PHF3: variants seen among roughly 807,000 people sequenced by gnomAD.
The protein encoded by PHF3 is PHD finger protein 3.
Under a neutral mutation model 178.4 loss-of-function variants are expected in PHF3, and 41 were observed. The observed-to-expected ratio is 0.23, with a 90% CI of 0.18 to 0.30. PHF3 has a LOEUF of 0.30. Among genes scored for constraint, PHF3 ranks in the 10% least tolerant of loss-of-function variants. The pLI, the probability that PHF3 is intolerant of heterozygous loss-of-function variation, is 1.00. For synonymous variants in PHF3, 842 were observed against 800.5 expected, an observed-to-expected ratio of 1.05 and a Z score of -0.88; for missense variants, 2,346 against 2,398.1, an observed-to-expected ratio of 0.98 and a Z score of 0.45.
chr6:63,701,286 T>C (rs1030404843), intron 9 of PHF3, among the ~76,000 whole-genome samples: 36 of 152,368 alleles, frequency 2.4e-4, no homozygotes, highest in Admixed American at 1.6e-3. Context: ...TATATTTAAT[T>C]ACGTGTCTCA....
chr6:63,681,550 C>T (rs974536059), intron 3 of PHF3, among the ~76,000 whole-genome samples: 2 of 151,960 alleles, frequency 1.3e-5, no homozygotes, highest in African/African-American at 4.8e-5. Context: ...TATCCTCCAA[C>T]TTTTCAGTCA....
At chr6:63,696,751 C>T (rs139016676) in intron 6 of PHF3, among the ~76,000 whole-genome samples, 3 of 152,176 alleles carry the variant, frequency 2.0e-5, no homozygotes, top group African/African-American at 4.8e-5. Context: ...AAGGAATGAC[C>T]AAATGCTGTC....
In PHF3 at chr6:63,646,955, A is replaced by G. The variant is rs1019219344; in HGVS notation, c.244+160A>G. Among the ~76,000 whole-genome samples the G allele has an allele frequency of 3.4e-5, 5 of 146,750 alleles. No individual in the cohort carries two copies. In the East Asian group the frequency reaches 9.9e-4, roughly 29 times the overall value. ...CCTTTGAATTTAGAGCTTCTTTTCC[A>G]GGCATCAGAATTAAAATTTAAACTA... is the stretch of plus-strand genomic sequence containing the variant. On this transcript the variant is annotated intron_variant, in intron 2 of 15. Coordinates refer to ENST00000262043, the MANE Select transcript of PHF3 (RefSeq NM_001370348.2).
intron 14 of PHF3, among the ~76,000 whole-genome samples, chr6:63,710,751 G>C (rs1338039955): frequency 1.3e-5 from 2 of 152,100 alleles, no homozygotes. Flanking sequence ...TGGAAGTGTT[G>C]GGTGCTTTTA....
At chr6:63,679,716 A>G in intron 2 of PHF3, 1 of 428,414 alleles carries the variant, frequency 2.3e-6, no homozygotes, top group Non-Finnish European at 4.6e-6. Context: ...ACAAGGGGTC[A>G]GCAAGTAATA....
chr6:63,637,925 T>C (rs913247010), intron 1 of PHF3, among the ~76,000 whole-genome samples: 1 of 152,194 alleles, frequency 6.6e-6, no homozygotes, highest in African/African-American at 2.4e-5. Flanking sequence ...TATTGAAGAA[T>C]AGAAAAATAT....
chr6:63,706,196 C>T lies in PHF3; in HGVS notation c.3535C>T (p.Pro1179Ser). The T allele has an allele frequency of 6.2e-7, 1 of 1,613,536 alleles. No homozygotes were observed. Among genetic ancestry groups the T allele is most frequent in the Non-Finnish European group, 8.5e-7 (1 of 1,179,728 alleles). ...CTTTGAGGAGGAGAAACAGGAGTCT[C>T]CAAAGTCAACGTTCTCTCCTGCTCC... ...EFFEEEKQES[P>S]KSTFSPAPRP... Residue 1179 changes from proline (P) to serine (S), a missense_variant, in exon 12 of 16, where the codon CCA becomes TCA. Physicochemically the swap from Pro to Ser is moderately conservative, Grantham distance 74 (BLOSUM62 -1). Coordinates refer to ENST00000262043, the MANE Select transcript of PHF3 (RefSeq NM_001370348.2).
At chr6:63,656,711 A>G (rs112721564) in intron 2 of PHF3, among the ~76,000 whole-genome samples, 2 of 152,190 alleles carry the variant, frequency 1.3e-5, no homozygotes, top group South Asian at 2.1e-4. Flanking sequence ...TTTTTTATCT[A>G]TACCCTCTTT....
intron 4 of PHF3, among the ~76,000 whole-genome samples, chr6:63,689,419 C>A (rs1374092649): frequency 1.3e-5 from 2 of 152,072 alleles, no homozygotes; most frequent in Admixed American, 6.5e-5. Context: ...TTATAGCTTT[C>A]AAACAAGAAA....
chr6:63,678,421 G>A (rs1041771805), intron 2 of PHF3, among the ~76,000 whole-genome samples: 2 of 151,960 alleles, frequency 1.3e-5, no homozygotes, highest in East Asian at 1.9e-4. Flanking sequence ...AACTTTTAGC[G>A]CATAGCATAA....
rs187600145 is a variant in PHF3, at chr6:63,719,108, A to T, written c.*5400A>T. 2.6e-5 allele frequency among the ~76,000 whole-genome samples: 4 copies of T among 152,154 alleles called. No homozygotes were observed. The East Asian group carries it at 7.7e-4, about 29-fold the overall frequency. On this transcript the variant is annotated 3_prime_UTR_variant, in exon 16 of 16. Transcript: ENST00000262043. ...TACCCTCACACTTCCTAGTATTAATATGAACTGTATGTTTGGAAACATTTG... is the reference window on the plus strand; with the variant it reads ...TACCCTCACACTTCCTAGTATTAATTTGAACTGTATGTTTGGAAACATTTG...
Position 63,706,890 on chromosome 6 carries a change from T to C in PHF3, c.3711+14T>C. 3.1e-6 allele frequency: 5 copies of C among 1,610,964 alleles called. No homozygotes were observed. In the South Asian group the frequency reaches 5.5e-5, roughly 18 times the overall value. Reference sequence around the variant, plus strand: ...TACCTGACAGAGGTACTGTGAACTTTTCTGCTTTTCTGTGCATGAATTGAT... The same window carrying C: ...TACCTGACAGAGGTACTGTGAACTTCTCTGCTTTTCTGTGCATGAATTGAT... On this transcript the variant is annotated intron_variant, in intron 13 of 15. Transcript: ENST00000262043.
In PHF3 at chr6:63,698,233, G is replaced by A; in HGVS notation, c.2691G>A (p.Glu897=). 6.2e-7 allele frequency: 1 copy of A among 1,610,008 alleles called. No individual in the cohort carries two copies. Among genetic ancestry groups the A allele is most frequent in the Non-Finnish European group, 8.5e-7 (1 of 1,177,482 alleles). The change falls in exon 7 of 16, where the codon GAG becomes GAA. Residue 897 remains glutamate, a synonymous_variant. Transcript: ENST00000262043. ...GEKASKPGTH[E]KQEMKKKKVE... is the part of the protein sequence containing the mutation. ...ATTTATTCAAATTAGGTACTCATGA[G>A]AAGCAAGAGATGAAAAAGAAGAAAG...
chr6:63,662,502 T>C (rs757894348), intron 2 of PHF3, among the ~76,000 whole-genome samples: 17 of 152,166 alleles, frequency 1.1e-4, no homozygotes, highest in Non-Finnish European at 2.5e-4. Flanking sequence ...AGTTGCTGCC[T>C]GGATTCTTTT....
chr6:63,636,054 C>T lies in PHF3; in HGVS notation c.-122C>T. The T allele has an allele frequency of 2.5e-6, 1 of 394,116 alleles. No homozygotes were observed. The highest frequency in any genetic ancestry group is 3.6e-5 in the East Asian group (1 of 27,768). 24.4% of individuals were successfully genotyped at this position (394,116 alleles called of 1,614,324 possible). A position where few individuals can be genotyped will look rare whatever the true frequency, so the allele number is the denominator to read the frequency against. ...ACGTCCTGCGCGTACCCCCTCTCCG[C>T]GGCACCCACCGGGCCCCCTCCTCCT... On this transcript the variant is annotated 5_prime_UTR_variant, in exon 1 of 16. Transcript: ENST00000262043.
At position 63,725,516 on chromosome 6, in the gene PHF3, T is replaced by A. The variant is rs970956070; in HGVS notation, c.*11808T>A. Among the ~76,000 whole-genome samples the A allele has an allele frequency of 6.6e-6, 1 of 152,250 alleles. No homozygotes were observed. Among genetic ancestry groups the A allele is most frequent in the East Asian group, 1.9e-4 (1 of 5,184 alleles). On this transcript the variant is annotated 3_prime_UTR_variant, in exon 16 of 16. Transcript: ENST00000262043. ...TCTTGATTTATAAATAGAAAATTTA[T>A]GTTTGTATGTGGTTCTCCTATTTGA...
chr6:63,695,721 A>G (rs1029476624), intron 6 of PHF3, among the ~76,000 whole-genome samples: 1 of 152,198 alleles, frequency 6.6e-6, no homozygotes, highest in African/African-American at 2.4e-5. Flanking sequence ...GTAGCTTGGA[A>G]TGGAAATAGA....
At position 63,713,534 on chromosome 6, in the gene PHF3, TGGAAAA is replaced by T. The variant is rs1768066087; in HGVS notation, c.5948_5953del (p.Gly1983_Lys1984del). The T allele has an allele frequency of 3.7e-6, 6 of 1,612,954 alleles. No homozygotes were observed. Among genetic ancestry groups the T allele is most frequent in the Non-Finnish European group, 5.1e-6 (6 of 1,179,726 alleles). ...TATCACATGGTGATCGAGGAACAGATGGAAAAGCAAGCAGAGATAGTAGGAATGTAG... is the reference window on the plus strand; with the variant it reads ...TATCACATGGTGATCGAGGAACAGATGCAAGCAGAGATAGTAGGAATGTAG... On this transcript the variant is annotated inframe_deletion, in exon 16 of 16. Transcript: ENST00000262043.
At chr6:63,696,425 T>G (rs1312166939) in intron 6 of PHF3, among the ~76,000 whole-genome samples, 2 of 151,812 alleles carry the variant, frequency 1.3e-5, no homozygotes, top group African/African-American at 4.8e-5. Flanking sequence ...GCTCAAGCTA[T>G]CCTCTCGCCT....
Sources: allele counts gnomAD v4.1 joint callset (sites outside exome capture counted in the v4.1 genomes callset), GRCh38; gene constraint gnomAD v4.1.1; transcripts MANE v1.5; gene names NCBI Gene and HGNC (gene_info 2026-07-23, HGNC 2026-07-21).